Variants in MRTFB observed in about 807,000 individuals in gnomAD.
The protein encoded by MRTFB is myocardin related transcription factor B.
Under a neutral mutation model 104.2 loss-of-function variants are expected in MRTFB, and 29 were observed. The ratio of observed to expected loss-of-function variants is 0.28; its 90% CI spans 0.21 to 0.38. The LOEUF is 0.38. Ranked by LOEUF, MRTFB falls within the 10% of genes least tolerant of loss-of-function variation. The pLI is 1.00. For synonymous variants in MRTFB, 535 were observed against 519.5 expected (o/e 1.03, Z -0.41); for missense variants, 1,270 against 1,341.6 (o/e 0.95, Z 0.83).
At chr16:14,104,055 C>T (rs2035846423) in intron 2 of MRTFB, among the ~76,000 whole-genome samples, 2 of 152,174 alleles carry the variant, frequency 1.3e-5, no homozygotes, top group Admixed American at 1.3e-4. Context: ...TATAATCTCC[C>T]TACTTCATAG....
Position 14,261,024 on chromosome 16 carries a change from C to T in MRTFB, c.2880C>T (p.Val960=). ...TGGTGTCCCGGCCACCACCCCAAGT[C>T]CAAATGGCACCACCTGTATCTTTAG... ...NTVVSRPPPQ[V]QMAPPVSLEP... is the part of the protein sequence containing the mutation. Residue 960 remains valine (V), a synonymous_variant, in exon 17 of 17, where the codon GTC becomes GTT. Coordinates refer to ENST00000571589, the MANE Select transcript of MRTFB (RefSeq NM_001308142.2). 1 of 1,614,178 alleles carries T rather than the reference C, an allele frequency of 6.2e-7. No homozygotes were observed. The highest frequency in any genetic ancestry group is 8.5e-7 in the Non-Finnish European group (1 of 1,180,044).
intron 3 of MRTFB, among the ~76,000 whole-genome samples, chr16:14,169,273 T>C (rs897131395): frequency 5.3e-5 from 8 of 152,226 alleles, no homozygotes; most frequent in Admixed American, 1.3e-4. Context: ...ATGTCCTTAT[T>C]TGAGTAGGAA....
At chr16:14,161,327 T>C (rs1342339391) in intron 3 of MRTFB, among the ~76,000 whole-genome samples, 2 of 152,052 alleles carry the variant, frequency 1.3e-5, no homozygotes, top group African/African-American at 4.8e-5. Context: ...AAATAGGCAA[T>C]ATTCAGTCAC....
In MRTFB at chr16:14,071,329, G is replaced by GGCGGCGGCGGGA. The variant is rs932436786; in HGVS notation, c.-154_-143dup. On this transcript the variant is annotated 5_prime_UTR_variant, in exon 1 of 17. Coordinates refer to ENST00000571589, the MANE Select transcript of MRTFB (RefSeq NM_001308142.2). ...GGAGCGAAGTCTCGCGAGATCGCGCGGCGGCGGCGGGAGCGGCGGCGGCGG... is the reference window on the plus strand; with the variant it reads ...GGAGCGAAGTCTCGCGAGATCGCGCGGCGGCGGCGGGAGCGGCGGCGGGAGCGGCGGCGGCGG... 4 of 166,330 alleles carry GGCGGCGGCGGGA rather than the reference G, an allele frequency of 2.4e-5. No individual in the cohort carries two copies. Among genetic ancestry groups the GGCGGCGGCGGGA allele is most frequent in the East Asian group, 1.8e-4 (1 of 5,638 alleles). 10.3% of individuals were successfully genotyped at this position (166,330 alleles called of 1,614,324 possible).
intron 1 of MRTFB, among the ~76,000 whole-genome samples, chr16:14,071,642 T>C (rs2033701649): frequency 6.6e-6 from 1 of 151,836 alleles, no homozygotes; most frequent in South Asian, 2.1e-4. Flanking sequence ...GACTGCAGAG[T>C]TGGCCCTGCT....
chr16:13,996,584 G>C, the MRTFB span, among the ~76,000 whole-genome samples: 10 of 152,228 alleles, frequency 6.6e-5, no homozygotes, highest in Non-Finnish European at 1.0e-4. Context: ...GTGAGCAAAA[G>C]AGATTGCGCC....
intron 3 of MRTFB, among the ~76,000 whole-genome samples, chr16:14,193,238 AAGAAT>A (rs2040273541): frequency 6.9e-6 from 1 of 145,340 alleles, no homozygotes. Context: ...AAAAAAAAAA[AAGAAT>A]GATCATCTTA....
Position 14,194,506 on chromosome 16 carries a change from G to A in MRTFB, c.155-15737G>A, listed in dbSNP as rs181783161. Among the ~76,000 whole-genome samples, 176 of 152,252 alleles carry A rather than the reference G, an allele frequency of 1.2e-3. 1 individual carries two copies. The highest frequency in any genetic ancestry group is 4.2e-3 in the African/African-American group (175 of 41,542). On this transcript the variant is annotated intron_variant, in intron 3 of 16. Coordinates refer to ENST00000571589, the MANE Select transcript of MRTFB (RefSeq NM_001308142.2). Reference sequence around the variant, plus strand: ...ATTGGGGGTTAGGGCTTCCATGTAGGAATTTGAGAGGGACACAGTTCAGTC... The same window carrying A: ...ATTGGGGGTTAGGGCTTCCATGTAGAAATTTGAGAGGGACACAGTTCAGTC...
chr16:14,161,975 A>G (rs1393378863), intron 3 of MRTFB, among the ~76,000 whole-genome samples: 1 of 152,050 alleles, frequency 6.6e-6, no homozygotes, highest in East Asian at 1.9e-4. Flanking sequence ...TCAGAATTAC[A>G]CTTCTAGATT....
chr16:14,041,130 CAAGG>C, the MRTFB span, among the ~76,000 whole-genome samples: 2 of 138,746 alleles, frequency 1.4e-5, no homozygotes, highest in Admixed American at 7.6e-5. Context: ...AAAACACTGC[CAAGG>C]AAGGAAGGAA....
At chr16:14,095,882 A>G (rs1355318074) in intron 2 of MRTFB, among the ~76,000 whole-genome samples, 1 of 151,768 alleles carries the variant, frequency 6.6e-6, no homozygotes, top group African/African-American at 2.4e-5. Context: ...TACTGAATGC[A>G]CTATTTACAA....
chr16:14,020,121 C>T, the MRTFB span, among the ~76,000 whole-genome samples: 1 of 151,942 alleles, frequency 6.6e-6, no homozygotes, highest in Non-Finnish European at 1.5e-5. Flanking sequence ...GATTGACACC[C>T]ACTGACTGGG....
chr16:13,998,605 C>T, the MRTFB span, among the ~76,000 whole-genome samples: 3 of 151,804 alleles, frequency 2.0e-5, no homozygotes, highest in Admixed American at 6.6e-5. Flanking sequence ...ATGATCACAC[C>T]ATTGCATTCC....
Position 14,136,342 on chromosome 16 carries a change from C to CTT in MRTFB, c.-63-4199_-63-4198dup, listed in dbSNP as rs1286147249. 3.3e-5 allele frequency among the ~76,000 whole-genome samples: 5 copies of CTT among 152,122 alleles called. No individual in the cohort carries two copies. The East Asian group carries it at 9.6e-4, about 29-fold the overall frequency. ...TACTTATCCTACTTATGTTCTACTACTTTTCACATGTGTATTAATAATTGC... is the reference window on the plus strand; with the variant it reads ...TACTTATCCTACTTATGTTCTACTACTTTTTTCACATGTGTATTAATAATTGC... On this transcript the variant is annotated intron_variant, in intron 2 of 16. Transcript: ENST00000571589.
chr16:14,174,811 A>G (rs1476115124), intron 3 of MRTFB, among the ~76,000 whole-genome samples: 1 of 152,198 alleles, frequency 6.6e-6, no homozygotes, highest in Non-Finnish European at 1.5e-5. Flanking sequence ...GTTAACCAAA[A>G]TGGTATAGGC....
intron 2 of MRTFB, among the ~76,000 whole-genome samples, chr16:14,083,065 T>C (rs2034504490): frequency 6.6e-6 from 1 of 152,214 alleles, no homozygotes; most frequent in South Asian, 2.1e-4. Context: ...TAGAAATCTT[T>C]TACCTCCTTG....
At chr16:14,068,018 G>A (rs1291106835), upstream of MRTFB, among the ~76,000 whole-genome samples, 2 of 151,988 alleles carry the variant, frequency 1.3e-5, no homozygotes, top group Non-Finnish European at 2.9e-5. Flanking sequence ...TTTTAGTAGA[G>A]ATGGGGATTC....
At chr16:14,043,562 T>C in the MRTFB span, among the ~76,000 whole-genome samples, 1 of 152,142 alleles carries the variant, frequency 6.6e-6, no homozygotes, top group Non-Finnish European at 1.5e-5. Context: ...AGGTTTATGC[T>C]ATTCCCAAAC....
intron 3 of MRTFB, among the ~76,000 whole-genome samples, chr16:14,197,274 A>G (rs1597221503): frequency 6.6e-6 from 1 of 152,138 alleles, no homozygotes; most frequent in East Asian, 1.9e-4. Flanking sequence ...GTGCCTGGCC[A>G]GTGCTTTCTC....
Sources: allele counts gnomAD v4.1 joint callset (sites outside exome capture counted in the v4.1 genomes callset), GRCh38; gene constraint gnomAD v4.1.1; transcripts MANE v1.5; gene names NCBI Gene and HGNC (gene_info 2026-07-23, HGNC 2026-07-21).